The following IQCM variants were observed in gnomAD, a reference collection of about 807,000 sequenced individuals.
IQCM encodes IQ motif containing M.
Under a neutral mutation model 57.6 loss-of-function variants are expected in IQCM, and 45 were observed. The observed-to-expected ratio is 0.78, with a 90% CI of 0.62 to 1.00. The LOEUF (loss-of-function observed/expected upper bound fraction) is 1.00. Ranked by LOEUF, IQCM falls within the 50% of genes least tolerant of loss-of-function variation. IQCM has a pLI of 0.00. For missense variants in IQCM, 468 were observed against 511.6 expected, an observed-to-expected ratio of 0.91 and a Z score of 0.82; for synonymous variants, 148 against 158.9, an observed-to-expected ratio of 0.93 and a Z score of 0.51.
intron 1 of IQCM, 44 bp from the exon 2 acceptor site, chr4:149,815,392 G>A (rs1056098694): frequency 4.0e-5 from 6 of 151,822 alleles, no homozygotes; most frequent in African/African-American, 1.4e-4. Flanking sequence ...CTCACAGCTT[G>A]TAAAACAAAA....
At chr4:149,727,295 T>C (rs1210857365) in intron 5 of IQCM, among the ~76,000 whole-genome samples, 1 of 152,206 alleles carries the variant, frequency 6.6e-6, no homozygotes, top group Non-Finnish European at 1.5e-5. Flanking sequence ...TCTTGGTTTC[T>C]GCCCATTTAA....
At position 149,745,168 on chromosome 4, in the gene IQCM, G is replaced by A. The variant is rs141648826; in HGVS notation, c.-48-2429C>T. ...AGAAGACAGAGAGGTGAGAGAAATA[G>A]TACAAGCAAAGGCATGGAGGTGAGA... On this transcript the variant is annotated intron_variant, in intron 2 of 13. Coordinates refer to ENST00000636793, the MANE Select transcript of IQCM (RefSeq NM_001363507.2). 4.8e-4 allele frequency among the ~76,000 whole-genome samples: 73 copies of A among 152,254 alleles called. No homozygotes were observed. The East Asian group carries it at 0.011, about 22-fold the overall frequency.
intron 2 of IQCM, among the ~76,000 whole-genome samples, chr4:149,755,103 C>T (rs1032134974): frequency 3.9e-5 from 6 of 152,176 alleles, no homozygotes; most frequent in African/African-American, 9.6e-5. Flanking sequence ...CTGATAGCTT[C>T]GCAACACCTT....
chr4:149,737,963 GA>G lies in IQCM; in HGVS notation c.38-2506del, dbSNP rs201241441. ...ATAATTACAACATTGTCATGTGCAT[GA>G]CACATGACAAGCAATATAATTTATT... On this transcript the variant is annotated intron_variant, in intron 3 of 13. Coordinates refer to ENST00000636793, the MANE Select transcript of IQCM (RefSeq NM_001363507.2). Among the ~76,000 whole-genome samples the G allele has an allele frequency of 9.0e-3, 1,368 of 152,184 alleles. 9 individuals carry two copies. Among genetic ancestry groups the G allele is most frequent in the African/African-American group, 0.031 (1,267 of 41,518 alleles).
chr4:149,503,523 G>T (rs1222884982), intron 12 of IQCM, among the ~76,000 whole-genome samples: 1 of 152,092 alleles, frequency 6.6e-6, no homozygotes, highest in Non-Finnish European at 1.5e-5. Flanking sequence ...AGTTTTTAGA[G>T]AAAATTTTTG....
At chr4:149,453,181 T>G (rs1434642629) in intron 12 of IQCM, among the ~76,000 whole-genome samples, 1 of 151,704 alleles carries the variant, frequency 6.6e-6, no homozygotes, top group Non-Finnish European at 1.5e-5. Context: ...CCTCACACCA[T>G]ACACAAAAAT....
chr4:149,626,414 G>A (rs1756812979), intron 7 of IQCM, among the ~76,000 whole-genome samples: 7 of 54,250 alleles, frequency 1.3e-4, no homozygotes, highest in Admixed American at 2.1e-4. Flanking sequence ...TAAGTTTATA[G>A]CAAATAAGAC....
intron 2 of IQCM, among the ~76,000 whole-genome samples, chr4:149,799,037 T>G (rs1003772307): frequency 7.1e-6 from 1 of 141,244 alleles, no homozygotes; most frequent in Non-Finnish European, 1.5e-5. Context: ...ATGCATCCTT[T>G]ATTTTTTTTT....
intron 8 of IQCM, among the ~76,000 whole-genome samples, chr4:149,596,219 AG>A (rs1753760652): frequency 6.6e-6 from 1 of 152,194 alleles, no homozygotes; most frequent in African/African-American, 2.4e-5. Flanking sequence ...AAAAGATACA[AG>A]GGGATTGCTG....
intron 13 of IQCM, among the ~76,000 whole-genome samples, chr4:149,370,446 C>T (rs990509496): frequency 2.0e-5 from 3 of 151,838 alleles, no homozygotes; most frequent in Non-Finnish European, 4.4e-5. Context: ...TGTTATTATT[C>T]CCCTTTTCCT....
intron 12 of IQCM, among the ~76,000 whole-genome samples, chr4:149,530,587 C>T (rs1248822038): frequency 1.3e-5 from 2 of 152,082 alleles, no homozygotes; most frequent in Non-Finnish European, 2.9e-5. Context: ...TAGATTAAAT[C>T]CCAAATTCTT....
intron 12 of IQCM, among the ~76,000 whole-genome samples, chr4:149,547,173 G>A (rs1328059434): frequency 6.6e-6 from 1 of 152,026 alleles, no homozygotes. Context: ...CTGTTCCATT[G>A]GTCTATATCT....
rs1043879264 is a variant in IQCM at position 149,509,331 on chromosome 4, G to T, written c.1228+39124C>A. On this transcript the variant is annotated intron_variant, in intron 12 of 13. Coordinates refer to ENST00000636793, the MANE Select transcript of IQCM (RefSeq NM_001363507.2). ...GTTGCTCTGTTGCCCAGGCTGGGGT[G>T]CAGTGACACAACCATAGCTCACTGC... Among the ~76,000 whole-genome samples, 21 of 152,048 alleles carry T rather than the reference G, an allele frequency of 1.4e-4. 1 individual carries two copies. The highest frequency in any genetic ancestry group is 4.8e-4 in the African/African-American group (20 of 41,466).
At chr4:149,547,946 A>G (rs949915961) in intron 12 of IQCM, among the ~76,000 whole-genome samples, 17 of 152,176 alleles carry the variant, frequency 1.1e-4, no homozygotes, top group African/African-American at 4.1e-4. Flanking sequence ...CTCAATTTAA[A>G]TTATTAAATA....
At chr4:149,603,505 A>G (rs971292484) in intron 8 of IQCM, among the ~76,000 whole-genome samples, 2 of 152,124 alleles carry the variant, frequency 1.3e-5, no homozygotes, top group African/African-American at 2.4e-5. Context: ...CCTATTCTTC[A>G]TTACTAGGAT....
At chr4:149,504,385 A>G (rs1157773266) in intron 12 of IQCM, among the ~76,000 whole-genome samples, 1 of 152,168 alleles carries the variant, frequency 6.6e-6, no homozygotes, top group Non-Finnish European at 1.5e-5. Flanking sequence ...ACTGATTACA[A>G]ATTATGTGTC....
At chr4:149,473,933 A>G (rs759502040) in intron 12 of IQCM, among the ~76,000 whole-genome samples, 7 of 152,062 alleles carry the variant, frequency 4.6e-5, no homozygotes, top group Non-Finnish European at 1.0e-4. Context: ...AATGAGAACA[A>G]TTGGACACAG....
At chr4:149,666,397 A>G (rs1327425058) in intron 7 of IQCM, among the ~76,000 whole-genome samples, 1 of 152,114 alleles carries the variant, frequency 6.6e-6, no homozygotes, top group Non-Finnish European at 1.5e-5. Flanking sequence ...TATCTGGCCC[A>G]GATACTACGC....
At chr4:149,531,404 A>G (rs141082678) in intron 12 of IQCM, among the ~76,000 whole-genome samples, 2 of 152,278 alleles carry the variant, frequency 1.3e-5, no homozygotes, top group Non-Finnish European at 2.9e-5. Flanking sequence ...AAAAAGTTCA[A>G]AACTACTGTA....
Sources: gnomAD v4.1 joint callset for allele counts (sites outside exome capture counted in the v4.1 genomes callset) on GRCh38, gnomAD v4.1.1 for gene constraint, MANE v1.5 for transcripts, NCBI Gene and HGNC (gene_info 2026-07-23, HGNC 2026-07-21) for gene names.